The following HDGFL2 variants were observed in gnomAD, a reference collection of about 807,000 sequenced individuals.
HDGFL2 encodes the protein HDGF like 2.
In HDGFL2, 36 loss-of-function variants were observed where a neutral mutation model predicts 77.1. That is an observed-to-expected ratio of 0.47 (90% CI 0.36 to 0.62). The LOEUF (loss-of-function observed/expected upper bound fraction) is 0.62. Among genes scored for constraint, HDGFL2 ranks in the 20% least tolerant of loss-of-function variants. HDGFL2 has a pLI of 0.00. For synonymous variants in HDGFL2, 463 were observed against 413.1 expected (o/e 1.12, Z -1.46); for missense variants, 976 against 973.4 (o/e 1.00, Z -0.04).
chr19:4,476,821 G>C (rs537298443), intron 3 of HDGFL2, among the ~76,000 whole-genome samples: 1 of 152,052 alleles, frequency 6.6e-6, no homozygotes, highest in South Asian at 2.1e-4. Context: ...GGTGAGGTGG[G>C]GAGTGGGGGA....
At chr19:4,493,061 G>T (rs1599717435) in intron 6 of HDGFL2, among the ~76,000 whole-genome samples, 1 of 127,538 alleles carries the variant, frequency 7.8e-6, no homozygotes, top group Non-Finnish European at 1.6e-5. Flanking sequence ...TGGTGTGTGT[G>T]TTGTCTGTGT....
chr19:4,487,843 A>T (rs1975401726), intron 3 of HDGFL2, among the ~76,000 whole-genome samples: 1 of 151,832 alleles, frequency 6.6e-6, no homozygotes, highest in Non-Finnish European at 1.5e-5. Flanking sequence ...TCACTGCCTG[A>T]GCGGGCATTT....
chr19:4,498,252 C>T lies in HDGFL2; in HGVS notation c.1403-54C>T, dbSNP rs1975761531. On this transcript the variant is annotated intron_variant, in intron 11 of 15. Transcript: ENST00000616600. ...CTCTCAGGCTCCTGCCCTTGAACAG[C>T]TGGCCCCCTGTGGCCCTGCCTGGGC... is the stretch of plus-strand genomic sequence containing the variant. 36 of 1,499,592 alleles carry T rather than the reference C, an allele frequency of 2.4e-5. 1 individual carries two copies. Among genetic ancestry groups the T allele is most frequent in the Non-Finnish European group, 3.2e-5 (35 of 1,079,734 alleles). 92.9% of individuals were successfully genotyped at this position (1,499,592 alleles called of 1,614,324 possible). A position where few individuals can be genotyped will look rare whatever the true frequency, so the allele number is the denominator to read the frequency against.
chr19:4,472,791 G>A (rs1444516528), intron 1 of HDGFL2, among the ~76,000 whole-genome samples: 1 of 147,218 alleles, frequency 6.8e-6, no homozygotes, highest in East Asian at 2.0e-4. Context: ...AGGACCCGCC[G>A]TCTGGGCCTG....
chr19:4,500,209 C>G (rs994750631), intron 14 of HDGFL2, among the ~76,000 whole-genome samples: 3 of 152,196 alleles, frequency 2.0e-5, no homozygotes, highest in Non-Finnish European at 4.4e-5. Context: ...TCAGAGCAGC[C>G]CTTTGGAGAT....
chr19:4,496,282 G>A lies in HDGFL2; in HGVS notation c.1225-20G>A, dbSNP rs760706675. On this transcript the variant is annotated intron_variant, in intron 9 of 15. Coordinates refer to ENST00000616600, the MANE Select transcript of HDGFL2 (RefSeq NM_001001520.3). ...TCCCCTCTTCCCACTGCTCCAGCGC[G>A]CCCTTCCTGACTGCTATAGGCCAAG... 38 of 1,605,400 alleles carry A rather than the reference G, an allele frequency of 2.4e-5. No individual in the cohort carries two copies. Among genetic ancestry groups the A allele is most frequent in the Non-Finnish European group, 2.8e-5 (33 of 1,172,252 alleles).
In HDGFL2 at chr19:4,492,656, GGT is replaced by G. The variant is rs571359886; in HGVS notation, c.678+830_678+831del. Among the ~76,000 whole-genome samples, 49 of 149,076 alleles carry G rather than the reference GGT, an allele frequency of 3.3e-4. 1 individual carries two copies. The East Asian group carries it at 9.4e-3, about 29-fold the overall frequency. ...TTTTGTTTGTGTGTGTTGTCTGTGT[GGT>G]GTGTGTGTCTGGTATGTGTGTTGTC... is the stretch of plus-strand genomic sequence containing the variant. On this transcript the variant is annotated intron_variant, in intron 6 of 15. Coordinates refer to ENST00000616600, the MANE Select transcript of HDGFL2 (RefSeq NM_001001520.3).
rs1188331676 is a variant in HDGFL2, at chr19:4,501,595, T to C, written c.1916+278T>C. 1.1e-5 allele frequency: 5 copies of C among 475,510 alleles called. No individual in the cohort carries two copies. The Admixed American group carries it at 1.9e-4, about 18-fold the overall frequency. The allele number at this position is 475,510 out of a possible 1,614,324, so 29.5% of individuals were successfully genotyped here. On this transcript the variant is annotated intron_variant, in intron 15 of 15. Coordinates refer to ENST00000616600, the MANE Select transcript of HDGFL2 (RefSeq NM_001001520.3). ...GAGCCTCCAGGGTGGCCCAGGTAGG[T>C]AGGCCCCGAGCACGGGCACCCGGCT...
chr19:4,498,191 G>T, intron 11 of HDGFL2, 115 bp from the exon 12 acceptor site: 34 of 1,173,130 alleles, frequency 2.9e-5, no homozygotes, highest in Non-Finnish European at 4.2e-5. Flanking sequence ...GGCTGAGCCT[G>T]CAGACCTGGG....
chr19:4,491,869 C>T, intron 6 of HDGFL2, 34 bp downstream of exon 6: 1 of 1,573,548 alleles, frequency 6.4e-7, no homozygotes, highest in Non-Finnish European at 8.7e-7. Flanking sequence ...CCCATGCCCA[C>T]TCGTGGGGCA....
intron 1 of HDGFL2, among the ~76,000 whole-genome samples, chr19:4,472,830 C>T (rs1198379671): frequency 1.3e-5 from 2 of 148,350 alleles, no homozygotes; most frequent in African/African-American, 2.5e-5. Context: ...TCTGGGGGTC[C>T]TCGGCCTCAG....
intron 3 of HDGFL2, among the ~76,000 whole-genome samples, chr19:4,483,260 G>A (rs1324245202): frequency 6.6e-6 from 1 of 152,300 alleles, no homozygotes; most frequent in East Asian, 1.9e-4. Context: ...CCCGGTTCTC[G>A]TTTTCCTTGT....
rs1334641331 is a variant in HDGFL2, at chr19:4,499,476, T to C, written c.1576-15T>C. 19 of 1,610,174 alleles carry C rather than the reference T, an allele frequency of 1.2e-5. No homozygotes were observed. The highest frequency in any genetic ancestry group is 1.6e-5 in the Non-Finnish European group (19 of 1,178,088). On this transcript the variant is annotated splice_polypyrimidine_tract_variant and intron_variant, in intron 13 of 15. Coordinates refer to ENST00000616600, the MANE Select transcript of HDGFL2 (RefSeq NM_001001520.3). ...CTGCACTTGGGTGAGCCAGGCCTCT[T>C]CTCTTGGTGGCCAGATTCGCCGTTA...
chr19:4,488,194 C>T (rs2145183870), intron 3 of HDGFL2, among the ~76,000 whole-genome samples: 1 of 152,334 alleles, frequency 6.6e-6, no homozygotes, highest in East Asian at 1.9e-4. Context: ...TGGTCTCGAA[C>T]ACCTGACCTC....
At position 4,501,730 on chromosome 19, in the gene HDGFL2, G is replaced by T. The variant is rs568690000; in HGVS notation, c.1917-181G>T. Reference sequence around the variant, plus strand: ...TGTGCTATGCCTGGCTGGCGCCAGCGTGGGGACCCTGGAGATGGTTGTGGT... The same window carrying T: ...TGTGCTATGCCTGGCTGGCGCCAGCTTGGGGACCCTGGAGATGGTTGTGGT... On this transcript the variant is annotated intron_variant, in intron 15 of 15. Coordinates refer to ENST00000616600, the MANE Select transcript of HDGFL2 (RefSeq NM_001001520.3). 8.6e-5 allele frequency: 46 copies of T among 537,226 alleles called. No individual in the cohort carries two copies. In the Admixed American group the frequency reaches 9.4e-4, roughly 11 times the overall value. The allele number at this position is 537,226 out of a possible 1,614,324, so 33.3% of individuals were successfully genotyped here.
intron 10 of HDGFL2, 30 bp from the exon 11 acceptor site, chr19:4,497,928 G>A: frequency 1.3e-6 from 2 of 1,545,190 alleles, no homozygotes; most frequent in Non-Finnish European, 1.8e-6. Context: ...CCGGTGACGG[G>A]GCCCGACTGA....
At chr19:4,494,614 A>G (rs1175707712) in intron 9 of HDGFL2, 139 bp downstream of exon 9, 9 of 594,292 alleles carry the variant, frequency 1.5e-5, no homozygotes, top group Non-Finnish European at 2.2e-5. Flanking sequence ...GCCCTGGAGG[A>G]GGGGACATTC....
At chr19:4,482,906 G>T (rs192140120) in intron 3 of HDGFL2, among the ~76,000 whole-genome samples, 1 of 151,970 alleles carries the variant, frequency 6.6e-6, no homozygotes, top group Admixed American at 6.5e-5. Flanking sequence ...TCAGGGTTGG[G>T]TCAGGGGCGG....
chr19:4,491,900 G>C, intron 6 of HDGFL2, 65 bp downstream of exon 6: 2 of 1,450,110 alleles, frequency 1.4e-6, no homozygotes, highest in East Asian at 4.5e-5. Context: ...CTCCAGTGCT[G>C]TCCCCAGGGC....
Sources: gnomAD v4.1 joint callset for allele counts (sites outside exome capture counted in the v4.1 genomes callset) on GRCh38, gnomAD v4.1.1 for gene constraint, MANE v1.5 for transcripts, NCBI Gene and HGNC (gene_info 2026-07-23, HGNC 2026-07-21) for gene names.